OOEP: variants seen among roughly 807,000 people sequenced by gnomAD.
OOEP encodes oocyte-expressed protein homolog.
In OOEP, 16 loss-of-function variants were observed where a neutral mutation model predicts 13.7. That is an observed-to-expected ratio of 1.16 (90% CI 0.79 to 1.77). The LOEUF is 1.77. Ranked by LOEUF, OOEP falls within the 40% of genes most tolerant of loss-of-function variation. The pLI is 0.00. For missense variants in OOEP, 195 were observed against 193.1 expected (o/e 1.01, Z -0.06); for synonymous variants, 89 against 77.1 (o/e 1.15, Z -0.81).
At chr6:73,372,975 CGT>C (rs1769083489), upstream of OOEP, 1 of 694,750 alleles carries the variant, frequency 1.4e-6, no homozygotes, top group Non-Finnish European at 2.5e-6. Context: ...AGCCAACCAA[CGT>C]GTTCATAACA....
At chr6:73,375,589 T>A (rs1272735933) in intron 2 of OOEP, among the ~76,000 whole-genome samples, 2 of 145,282 alleles carry the variant, frequency 1.4e-5, no homozygotes, top group Non-Finnish European at 3.1e-5. Flanking sequence ...AACATATATA[T>A]GCTTATATAT....
chr6:73,376,755 G>A (rs1447842361), intron 2 of OOEP, among the ~76,000 whole-genome samples: 2 of 151,942 alleles, frequency 1.3e-5, no homozygotes, highest in Non-Finnish European at 2.9e-5. Flanking sequence ...AGGTTCAAGC[G>A]ATTCTCCTGC....
At chr6:73,391,295 A>G (rs1443169077) in intron 2 of OOEP, 1 of 152,722 alleles carries the variant, frequency 6.5e-6, no homozygotes, top group East Asian at 1.9e-4. Flanking sequence ...GTTATAACAA[A>G]GAGCTTTCTT....
At chr6:73,393,028 A>C (rs1201000877) in intron 2 of OOEP, among the ~76,000 whole-genome samples, 1 of 151,860 alleles carries the variant, frequency 6.6e-6, no homozygotes, top group Admixed American at 6.6e-5. Context: ...TCACATTCCC[A>C]AGGTGCTGGG....
At chr6:73,370,151 G>C (rs1476367473), upstream of OOEP, 2 of 240,656 alleles carry the variant, frequency 8.3e-6, no homozygotes, top group African/African-American at 4.4e-5. Context: ...TTGAATTGAC[G>C]ACTCTATTAA....
chr6:73,371,771 AT>A (rs1385727960), upstream of OOEP, among the ~76,000 whole-genome samples: 48 of 150,266 alleles, frequency 3.2e-4, no homozygotes, highest in African/African-American at 1.0e-3. Context: ...AAAAATAAAA[AT>A]AAAAAAATTT....
At chr6:73,371,627 A>G (rs1203460615), upstream of OOEP, among the ~76,000 whole-genome samples, 2 of 151,988 alleles carry the variant, frequency 1.3e-5, no homozygotes, top group African/African-American at 4.8e-5. Flanking sequence ...GTGCATGCCT[A>G]TAATCCCAGC....
At chr6:73,393,079 C>T (rs1005678765) in intron 2 of OOEP, among the ~76,000 whole-genome samples, 17 of 151,256 alleles carry the variant, frequency 1.1e-4, no homozygotes, top group African/African-American at 4.1e-4. Flanking sequence ...CTGGTGTCCA[C>T]TGTGTTTGAT....
chr6:73,389,333 CA>C lies in OOEP; in HGVS notation c.25+5012del, dbSNP rs1562280335. 2.6e-5 allele frequency among the ~76,000 whole-genome samples: 4 copies of C among 151,976 alleles called. No individual in the cohort carries two copies. In the South Asian group the frequency reaches 6.2e-4, roughly 24 times the overall value. On this transcript the variant is annotated intron_variant, in intron 2 of 3. Transcript: ENST00000370363. The stretch of plus-strand genomic sequence containing the variant: ...CAACTCCCTCAGGTCACACCCGAGG[CA>C]AAAATGCAAGCTTGTGGAAATTTTC...
chr6:73,369,319 A>T lies in OOEP; in HGVS notation c.257T>A (p.Val86Glu). The change falls in exon 2 of 3, where the codon GTG becomes GAG. Residue 86 changes from valine (V) to glutamate (E), a missense_variant. Physicochemically the swap from Val to Glu is moderately radical, Grantham distance 121. Transcript: ENST00000370359. ...GATTTCGACTAGGTTCCCTGAGTCC[A>T]CTATGTCCACTGTCAGCAGGGCCTG... ...TSQALLTVDIVDSGNLVEITV... is the reference protein window; with the variant it reads ...TSQALLTVDIEDSGNLVEITV... 1 of 1,613,840 alleles carries T rather than the reference A, an allele frequency of 6.2e-7. No individual in the cohort carries two copies. Among genetic ancestry groups the T allele is most frequent in the Non-Finnish European group, 8.5e-7 (1 of 1,179,850 alleles).
At chr6:73,374,640 T>C (rs1207331154), upstream of OOEP, among the ~76,000 whole-genome samples, 1 of 152,176 alleles carries the variant, frequency 6.6e-6, no homozygotes, top group African/African-American at 2.4e-5. Context: ...CAAGCTGGTC[T>C]GGAACTCCTA....
upstream of OOEP, among the ~76,000 whole-genome samples, chr6:73,371,005 C>A (rs1234578587): frequency 6.6e-6 from 1 of 152,072 alleles, no homozygotes; most frequent in African/African-American, 2.4e-5. Context: ...CAGGGTCCCA[C>A]TATGTTGCCA....
intron 2 of OOEP, 123 bp from the exon 3 acceptor site, chr6:73,368,986 G>T: frequency 1.2e-6 from 1 of 846,866 alleles, no homozygotes; most frequent in Non-Finnish European, 1.9e-6. Context: ...CCCAGGTGAG[G>T]CTGACTTGGG....
chr6:73,371,607 G>A (rs117375145), upstream of OOEP, among the ~76,000 whole-genome samples: 1,892 of 152,014 alleles, frequency 0.012, 21 homozygotes, highest in Non-Finnish European at 0.019. Flanking sequence ...AAGATTAGCC[G>A]GACATGGTGG....
chr6:73,390,538 T>C (rs1769332742), intron 2 of OOEP, among the ~76,000 whole-genome samples: 1 of 152,068 alleles, frequency 6.6e-6, no homozygotes, highest in Non-Finnish European at 1.5e-5. Context: ...TTGCTTTTTT[T>C]GTTTTATTTT....
intron 2 of OOEP, among the ~76,000 whole-genome samples, chr6:73,384,735 A>C (rs932051235): frequency 2.0e-5 from 3 of 150,364 alleles, no homozygotes; most frequent in East Asian, 2.0e-4. Flanking sequence ...CAAGACAAAC[A>C]AACCTTTTTT....
chr6:73,371,765 A>T (rs1208795655), upstream of OOEP, among the ~76,000 whole-genome samples: 1 of 150,830 alleles, frequency 6.6e-6, no homozygotes, highest in Non-Finnish European at 1.5e-5. Context: ...ATAAAAAAAA[A>T]TAAAAATAAA....
intron 2 of OOEP, among the ~76,000 whole-genome samples, chr6:73,376,590 A>G (rs1769143179): frequency 6.6e-6 from 1 of 152,074 alleles, no homozygotes; most frequent in Non-Finnish European, 1.5e-5. Flanking sequence ...CTCCTGCCTC[A>G]GCCTCCAGAG....
intron 2 of OOEP, among the ~76,000 whole-genome samples, chr6:73,382,820 T>C (rs935964440): frequency 2.7e-5 from 4 of 149,424 alleles, no homozygotes; most frequent in African/African-American, 9.8e-5. Flanking sequence ...TCCCAAAGTG[T>C]GGTGAGCCAA....
Sources: allele counts gnomAD v4.1 joint callset (sites outside exome capture counted in the v4.1 genomes callset), GRCh38; gene constraint gnomAD v4.1.1; transcripts MANE v1.5; gene names NCBI Gene and HGNC (gene_info 2026-07-23, HGNC 2026-07-21).